The following FOXN4 variants were observed in gnomAD, a reference collection of about 807,000 sequenced individuals.
The protein encoded by FOXN4 is forkhead box protein N4.
A neutral mutation model predicts 45.0 loss-of-function variants in FOXN4; 12 were observed. The ratio of observed to expected loss-of-function variants is 0.27; its 90% CI spans 0.17 to 0.43. FOXN4 has a LOEUF of 0.43. Among genes scored for constraint, FOXN4 ranks in the 20% least tolerant of loss-of-function variants. The pLI is 1.00. For synonymous variants in FOXN4, 297 were observed against 295.0 expected (o/e 1.01, Z -0.07); for missense variants, 560 against 694.9 (o/e 0.81, Z 2.18).
chr12:109,287,655 A>G lies in FOXN4; in HGVS notation c.469-131T>C. 1 of 1,307,068 alleles carries G rather than the reference A, an allele frequency of 7.7e-7. No individual in the cohort carries two copies. Among genetic ancestry groups the G allele is most frequent in the Non-Finnish European group, 1.0e-6 (1 of 971,548 alleles). 81.0% of individuals were successfully genotyped at this position (1,307,068 alleles called of 1,614,324 possible). A position where few individuals can be genotyped will look rare whatever the true frequency, so the allele number is the denominator to read the frequency against. ...CTTGTGTGGGGATTCACAACCGTCCAGGAAACAATCTTGTCTCCACTCAGG... is the reference window on the plus strand; with the variant it reads ...CTTGTGTGGGGATTCACAACCGTCCGGGAAACAATCTTGTCTCCACTCAGG... On this transcript the variant is annotated intron_variant, in intron 5 of 9. Transcript: ENST00000299162. This position sits in a 1 kb window ranked among gnomAD's most constrained non-coding sequence, Gnocchi z 4.1.
chr12:109,306,630 C>T (rs965055919), intron 2 of FOXN4, among the ~76,000 whole-genome samples: 1 of 152,234 alleles, frequency 6.6e-6, no homozygotes, highest in African/African-American at 2.4e-5. Flanking sequence ...CTTTTACTAT[C>T]CCCATTGCAC....
At position 109,287,554 on chromosome 12, in the gene FOXN4, G is replaced by C; in HGVS notation, c.469-30C>G. Reference sequence around the variant, plus strand: ...CCACAGGCAGGGGCAGGGAGAAAGTGGCAGAGAAAGAGAGAAGGTGAGAAA... The same window carrying C: ...CCACAGGCAGGGGCAGGGAGAAAGTCGCAGAGAAAGAGAGAAGGTGAGAAA... On this transcript the variant is annotated intron_variant, in intron 5 of 9. Coordinates refer to ENST00000299162, the MANE Select transcript of FOXN4 (RefSeq NM_213596.3). The surrounding 1 kb of genome is among the most constrained non-coding windows in gnomAD (Gnocchi z 4.1). 1 of 1,495,852 alleles carries C rather than the reference G, an allele frequency of 6.7e-7. No homozygotes were observed. Among genetic ancestry groups the C allele is most frequent in the Non-Finnish European group, 8.9e-7 (1 of 1,124,008 alleles). 92.7% of individuals were successfully genotyped at this position (1,495,852 alleles called of 1,614,324 possible).
In FOXN4 at chr12:109,298,341, T is replaced by TG. The variant is rs2047837186; in HGVS notation, c.87-8056_87-8055insC. Among the ~76,000 whole-genome samples the TG allele has an allele frequency of 2.8e-5, 3 of 108,202 alleles. No homozygotes were observed. The South Asian group carries it at 7.4e-4, about 27-fold the overall frequency. 71.0% of individuals were successfully genotyped at this position (108,202 alleles called of 152,430 possible). A position where few individuals can be genotyped will look rare whatever the true frequency, so the allele number is the denominator to read the frequency against. ...TTCCTTTTGTTTCAGGTTTTTTTTT[T>TG]TTGTTTTTTTTTTTTGCTTTGTTTT... On this transcript the variant is annotated intron_variant, in intron 2 of 9. Coordinates refer to ENST00000299162, the MANE Select transcript of FOXN4 (RefSeq NM_213596.3).
intron 8 of FOXN4, 97 bp downstream of exon 8, chr12:109,285,207 C>A (rs1204968407): frequency 4.1e-6 from 6 of 1,479,938 alleles, no homozygotes; most frequent in Non-Finnish European, 3.7e-6. Flanking sequence ...CAGGGTTGGC[C>A]ATGCTCTGGT....
At position 109,281,389 on chromosome 12, in the gene FOXN4, C is replaced by T. The variant is rs750636886; in HGVS notation, c.1294+18G>A. ...CCCTCCCCATTCCATTCCCATCACT[C>T]CATTCCTCCAGCCTCACCCTGCAGA... On this transcript the variant is annotated intron_variant, in intron 9 of 9. Transcript: ENST00000299162. 4 of 1,612,408 alleles carry T rather than the reference C, an allele frequency of 2.5e-6. No individual in the cohort carries two copies. The highest frequency in any genetic ancestry group is 3.4e-6 in the Non-Finnish European group (4 of 1,179,076).
chr12:109,288,577 T>G lies in FOXN4; in HGVS notation c.233-397A>C, dbSNP rs868133015. On this transcript the variant is annotated intron_variant, in intron 3 of 9. Transcript: ENST00000299162. This position sits in a 1 kb window ranked among gnomAD's most constrained non-coding sequence, Gnocchi z 4.3. ...AAAACACCAATTCACGGTTCATTTC[T>G]TTTCCTCAAAAACATGCCATGGCTC... 6.6e-6 allele frequency among the ~76,000 whole-genome samples: 1 copy of G among 152,230 alleles called. No individual in the cohort carries two copies. Among genetic ancestry groups the G allele is most frequent in the South Asian group, 2.1e-4 (1 of 4,824 alleles).
In FOXN4 at chr12:109,287,136, T is replaced by G. The variant is rs529320768; in HGVS notation, c.596+261A>C. 6.4e-4 allele frequency among the ~76,000 whole-genome samples: 98 copies of G among 152,292 alleles called. No homozygotes were observed. The highest frequency in any genetic ancestry group is 3.4e-3 in the Middle Eastern group (1 of 294). On this transcript the variant is annotated intron_variant, in intron 6 of 9. Coordinates refer to ENST00000299162, the MANE Select transcript of FOXN4 (RefSeq NM_213596.3). This position sits in a 1 kb window ranked among gnomAD's most constrained non-coding sequence, Gnocchi z 4.1. ...GGGAAATCGAGGCTCAGAGAGGTCA[T>G]CCCACTTCCCCAAGGCCACGTGGCT... is the stretch of plus-strand genomic sequence containing the variant.
chr12:109,298,449 C>T (rs1284089523), intron 2 of FOXN4, among the ~76,000 whole-genome samples: 1 of 151,686 alleles, frequency 6.6e-6, no homozygotes, highest in Non-Finnish European at 1.5e-5. Context: ...GCAACCTCCG[C>T]CTCCCGGGTT....
chr12:109,287,442 T>C lies in FOXN4; in HGVS notation c.551A>G (p.Gln184Arg). The change falls in exon 6 of 10, where the codon CAA becomes CGA. Residue 184 changes from glutamine to arginine, a missense_variant. Around this residue, in one of 5 missense-constraint regions of FOXN4, gnomAD observed 61 missense variants for 59.8 expected, o/e 1.02. Transcript: ENST00000299162. This position sits in a 1 kb window ranked among gnomAD's most constrained non-coding sequence, Gnocchi z 4.1. ...PQPHVAVHSS[Q>R]ELHPKHYPKP... is the part of the protein sequence containing the mutation. ...GGGGTAGTGTTTGGGGTGCAGTTCT[T>C]GAGATGAATGCACAGCCACGTGGGG... 1 of 1,551,370 alleles carries C rather than the reference T, an allele frequency of 6.4e-7. No homozygotes were observed. The highest frequency in any genetic ancestry group is 1.4e-5 in the African/African-American group (1 of 73,126).
chr12:109,279,655 A>C lies in FOXN4; in HGVS notation c.*16T>G. 6.4e-7 allele frequency: 1 copy of C among 1,567,412 alleles called. No individual in the cohort carries two copies. Among genetic ancestry groups the C allele is most frequent in the Non-Finnish European group, 8.7e-7 (1 of 1,156,022 alleles). On this transcript the variant is annotated 3_prime_UTR_variant, in exon 10 of 10. Coordinates refer to ENST00000299162, the MANE Select transcript of FOXN4 (RefSeq NM_213596.3). Reference sequence around the variant, plus strand: ...AAGCCGGGTGCCGGGGTTCCAGGGCAGGTGAGGCTGACAGCTCAAAGCAGG... The same window carrying C: ...AAGCCGGGTGCCGGGGTTCCAGGGCCGGTGAGGCTGACAGCTCAAAGCAGG...
intron 8 of FOXN4, among the ~76,000 whole-genome samples, chr12:109,283,722 C>T (rs2047675208): frequency 2.0e-5 from 3 of 152,244 alleles, no homozygotes; most frequent in South Asian, 2.1e-4. Flanking sequence ...GTGATCCACC[C>T]GCCTTGGCCT....
Position 109,287,724 on chromosome 12 carries a change from G to T in FOXN4, c.468+120C>A. On this transcript the variant is annotated intron_variant, in intron 5 of 9. Transcript: ENST00000299162. This position sits in a 1 kb window ranked among gnomAD's most constrained non-coding sequence, Gnocchi z 4.1. ...CGGAATGAATGACCCCATGACATGA[G>T]CATGGAGGGAATGTTATCCCCATGT... The T allele has an allele frequency of 1.8e-6, 2 of 1,125,420 alleles. No homozygotes were observed. Among genetic ancestry groups the T allele is most frequent in the Non-Finnish European group, 2.5e-6 (2 of 810,800 alleles). The allele number at this position is 1,125,420 out of a possible 1,614,324, so 69.7% of individuals were successfully genotyped here. A position where few individuals can be genotyped will look rare whatever the true frequency, so the allele number is the denominator to read the frequency against.
In FOXN4 at chr12:109,279,495, C is replaced by T. The variant is rs535569525; in HGVS notation, c.*176G>A. 2.4e-4 allele frequency: 220 copies of T among 930,256 alleles called. No individual in the cohort carries two copies. In the African/African-American group the frequency reaches 2.7e-3, roughly 12 times the overall value. 57.6% of individuals were successfully genotyped at this position (930,256 alleles called of 1,614,324 possible). On this transcript the variant is annotated 3_prime_UTR_variant, in exon 10 of 10. Transcript: ENST00000299162. ...GCTCCGGAAGCTCCAGGGGGAGGCA[C>T]GAGAAGGAGAGGGGCTGCTGAGGGG...
chr12:109,285,510 G>C lies in FOXN4; in HGVS notation c.695C>G (p.Thr232Arg). 6.2e-7 allele frequency: 1 copy of C among 1,613,920 alleles called. No homozygotes were observed. The highest frequency in any genetic ancestry group is 8.5e-7 in the Non-Finnish European group (1 of 1,179,914). ...CGAGTTCTTCCACCCGTCGGGGGCC[G>C]TCTATGAAGACACATGGGCATTCAG... is the stretch of plus-strand genomic sequence containing the variant. ...FMKEHFPYFK[T>R]APDGWKNSVR... is the part of the protein sequence containing the mutation. The change falls in exon 8 of 10, where the codon ACG becomes AGG. Residue 232 changes from threonine (T) to arginine (R), a missense_variant and splice_region_variant. Around this residue, in one of 5 missense-constraint regions of FOXN4, gnomAD observed 39 missense variants for 81.7 expected, o/e 0.48. Transcript: ENST00000299162.
At chr12:109,302,433 A>G (rs1439302597) in intron 2 of FOXN4, among the ~76,000 whole-genome samples, 5 of 152,208 alleles carry the variant, frequency 3.3e-5, no homozygotes, top group African/African-American at 1.2e-4. Flanking sequence ...TGATACAGCA[A>G]TTGTACAGAG....
chr12:109,287,956 T>C lies in FOXN4; in HGVS notation c.358-2A>G. ...GCCCCCCACGGGGAACTGGCTCATC[T>C]GCTGGGCAGGAAGAGGAGGAGACAG... is the stretch of plus-strand genomic sequence containing the variant. On this transcript the variant is annotated splice_acceptor_variant, in intron 4 of 9. Coordinates refer to ENST00000299162, the MANE Select transcript of FOXN4 (RefSeq NM_213596.3). LOFTEE classifies it high-confidence loss of function. The surrounding 1 kb of genome is among the most constrained non-coding windows in gnomAD (Gnocchi z 4.1). 1 of 1,549,886 alleles carries C rather than the reference T, an allele frequency of 6.5e-7. No homozygotes were observed. Among genetic ancestry groups the C allele is most frequent in the Non-Finnish European group, 8.7e-7 (1 of 1,146,910 alleles).
intron 2 of FOXN4, among the ~76,000 whole-genome samples, chr12:109,299,360 GCA>G (rs749419474): frequency 1.1e-4 from 17 of 151,258 alleles, no homozygotes; most frequent in South Asian, 2.1e-4. Context: ...ACACATGTGT[GCA>G]CACACACGTG....
At chr12:109,296,279 A>G (rs1288000626) in intron 2 of FOXN4, among the ~76,000 whole-genome samples, 2 of 152,056 alleles carry the variant, frequency 1.3e-5, no homozygotes, top group South Asian at 2.1e-4. Flanking sequence ...CTGCCCTCCA[A>G]CCTGTTCAGG....
chr12:109,297,167 T>C (rs1055311084), intron 2 of FOXN4, among the ~76,000 whole-genome samples: 3 of 152,226 alleles, frequency 2.0e-5, no homozygotes, highest in African/African-American at 7.2e-5. Context: ...GGACCAGTAC[T>C]GGTCCGTGGC....
Sources: allele counts gnomAD v4.1 joint callset (sites outside exome capture counted in the v4.1 genomes callset), GRCh38; gene constraint gnomAD v4.1.1; regional missense constraint gnomAD v4.1.1; non-coding constraint Gnocchi (gnomAD v3.1); transcripts MANE v1.5; gene names NCBI Gene and HGNC (gene_info 2026-07-23, HGNC 2026-07-21).